PLAT: variants seen among roughly 807,000 people sequenced by gnomAD.
PLAT encodes the protein tissue-type plasminogen activator.
PLAT carries 48 observed loss-of-function variants against 74.9 expected under a neutral mutation model. The observed-to-expected ratio is 0.64, with a 90% CI of 0.51 to 0.82. The LOEUF is 0.82. Ranked by LOEUF, PLAT falls within the 40% of genes least tolerant of loss-of-function variation. The pLI is 0.00. For missense variants in PLAT, 673 were observed against 736.2 expected (o/e 0.91, Z 0.99); for synonymous variants, 307 against 294.4 (o/e 1.04, Z -0.44).
chr8:42,206,893 G>GCTCC (rs1806360709), intron 1 of PLAT, among the ~76,000 whole-genome samples: 1 of 152,208 alleles, frequency 6.6e-6, no homozygotes, highest in Non-Finnish European at 1.5e-5. Flanking sequence ...GACCTGTGGA[G>GCTCC]ACTTGTAGGG....
At chr8:42,192,002 CT>C (rs1177070988) in intron 2 of PLAT, among the ~76,000 whole-genome samples, 1,432 of 127,154 alleles carry the variant, frequency 0.011, 21 homozygotes, top group African/African-American at 0.037. Flanking sequence ...TTGCCTTTTT[CT>C]TTTTTTTTTT....
At chr8:42,203,312 C>T (rs1413314862) in intron 1 of PLAT, among the ~76,000 whole-genome samples, 1 of 152,188 alleles carries the variant, frequency 6.6e-6, no homozygotes, top group Non-Finnish European at 1.5e-5. Flanking sequence ...ATCGCGTGGT[C>T]ACCCATGCAC....
intron 1 of PLAT, among the ~76,000 whole-genome samples, chr8:42,202,840 C>A (rs1427406602): frequency 6.6e-6 from 1 of 152,114 alleles, no homozygotes; most frequent in Non-Finnish European, 1.5e-5. Context: ...TTCTGGAATG[C>A]ATAACACAGA....
intron 6 of PLAT, 28 bp downstream of exon 6, chr8:42,187,370 G>A (rs1209379035): frequency 2.4e-5 from 36 of 1,530,274 alleles, no homozygotes; most frequent in Non-Finnish European, 2.7e-5. Context: ...CTCACAGGGG[G>A]AATCCCTCCT....
chr8:42,191,488 A>T, intron 2 of PLAT, 74 bp from the exon 3 acceptor site: 2 of 1,415,788 alleles, frequency 1.4e-6, no homozygotes, highest in Non-Finnish European at 2.0e-6. Flanking sequence ...GCCAACCCAG[A>T]AGCCCATGTG....
rs1350407142 is a variant in PLAT, at chr8:42,180,255, G to GT, written c.1208dup (p.Tyr403Ter). 4 of 1,614,082 alleles carry GT rather than the reference G, an allele frequency of 2.5e-6. No homozygotes were observed. Among genetic ancestry groups the GT allele is most frequent in the African/African-American group, 1.3e-5 (1 of 74,940 alleles). The change falls in exon 11 of 14, where the codon TAC (tyrosine) becomes TAAC (stop). Residue 403 changes from tyrosine (Y) to a stop codon, truncating the protein, a stop_gained and frameshift_variant. Transcript: ENST00000220809. LOFTEE classifies it high-confidence loss of function. ...ACGAGCTCTTACCAATGTCATTGTC[G>GT]TAAGTGTCATCATCGAATTCCTTAT... ...IVHKEFDDDT[Y>*]DNDIALLQLK...
intron 9 of PLAT, among the ~76,000 whole-genome samples, chr8:42,181,220 C>G (rs1164000829): frequency 6.6e-6 from 1 of 152,210 alleles, no homozygotes; most frequent in Non-Finnish European, 1.5e-5. Context: ...CCCAGTTGGA[C>G]TTGTGTTCCT....
At chr8:42,187,786 C>T (rs1805541420) in intron 5 of PLAT, 120 bp downstream of exon 5, 3 of 792,412 alleles carry the variant, frequency 3.8e-6, no homozygotes, top group Admixed American at 4.6e-5. Flanking sequence ...GGCAGAAGCG[C>T]CTTCCCTGTC....
At chr8:42,205,210 C>T (rs1027314617) in intron 1 of PLAT, among the ~76,000 whole-genome samples, 1 of 152,182 alleles carries the variant, frequency 6.6e-6, no homozygotes, top group Non-Finnish European at 1.5e-5. Flanking sequence ...TGATTGCTTC[C>T]TCTGCCCTAT....
intron 1 of PLAT, among the ~76,000 whole-genome samples, chr8:42,200,580 G>C (rs1806089658): frequency 6.6e-6 from 1 of 151,522 alleles, no homozygotes; most frequent in African/African-American, 2.4e-5. Context: ...GGGAGGCTGA[G>C]GTGGGAGGAT....
Position 42,180,569 on chromosome 8 carries a change from G to C in PLAT, c.1006C>G (p.Pro336Ala). Residue 336 changes from proline (P) to alanine (A), a missense_variant, in exon 10 of 14, where the codon CCC (proline) becomes GCC (alanine). By Grantham distance (27) the Pro-to-Ala change is conservative. Transcript: ENST00000220809. ...CCCCCGCACAGGAACCGCTCTCCGG[G>C]CGACCTCCTGTGCTTGGCAAAGATG... ...AAIFAKHRRS[P>A]GERFLCGGIL... 5.6e-6 allele frequency: 9 copies of C among 1,614,116 alleles called. No homozygotes were observed. Among genetic ancestry groups the C allele is most frequent in the Non-Finnish European group, 7.6e-6 (9 of 1,179,984 alleles).
chr8:42,199,912 A>G (rs2094434591), intron 1 of PLAT, among the ~76,000 whole-genome samples: 2 of 152,252 alleles, frequency 1.3e-5, no homozygotes, highest in Non-Finnish European at 2.9e-5. Flanking sequence ...TCCACTCCCT[A>G]AAGCAAACAT....
chr8:42,187,991 G>C lies in PLAT; in HGVS notation c.279C>G (p.Asn93Lys). The C allele has an allele frequency of 6.2e-7, 1 of 1,612,684 alleles. No homozygotes were observed. Among genetic ancestry groups the C allele is most frequent in the South Asian group, 1.1e-5 (1 of 91,012 alleles). Residue 93 changes from asparagine (N) to lysine (K), a missense_variant, in exon 5 of 14, where the codon AAC becomes AAG. Transcript: ENST00000220809. Reference protein sequence around the residue: ...VKSCSEPRCFNGGTCQQALYF... With the variant: ...VKSCSEPRCFKGGTCQQALYF... ...ACAGGGCCTGCTGGCAGGTGCCCCCGTTGAAACACCTTGGCTCGCTGCAAC... is the reference window on the plus strand; with the variant it reads ...ACAGGGCCTGCTGGCAGGTGCCCCCCTTGAAACACCTTGGCTCGCTGCAAC...
intron 3 of PLAT, among the ~76,000 whole-genome samples, chr8:42,191,097 C>T (rs964488963): frequency 5.3e-5 from 8 of 152,202 alleles, no homozygotes; most frequent in South Asian, 2.1e-4. Flanking sequence ...GGCCGCCCCC[C>T]CCAGCCCCCG....
chr8:42,203,992 T>TAC (rs775189467), intron 1 of PLAT, among the ~76,000 whole-genome samples: 8,202 of 109,638 alleles, frequency 0.075, 408 homozygotes, highest in East Asian at 0.15. Flanking sequence ...TATATATATA[T>TAC]ACACACACAC....
chr8:42,191,306 A>ATGCACCC (rs1274606441), intron 3 of PLAT, 66 bp downstream of exon 3: 74 of 1,321,470 alleles, frequency 5.6e-5, no homozygotes, highest in African/African-American at 1.0e-4. Context: ...TGGGTGGGTG[A>ATGCACCC]TGCACCCTGC....
chr8:42,204,493 C>A (rs1806258268), intron 1 of PLAT, among the ~76,000 whole-genome samples: 1 of 152,098 alleles, frequency 6.6e-6, no homozygotes, highest in South Asian at 2.1e-4. Flanking sequence ...AATCCCAATA[C>A]TTTGCGAGGC....
At chr8:42,177,873 A>C (rs1388432569) in intron 13 of PLAT, among the ~76,000 whole-genome samples, 1 of 152,142 alleles carries the variant, frequency 6.6e-6, no homozygotes, top group African/African-American at 2.4e-5. Context: ...AAGCCCACAC[A>C]TCCTTCAGCA....
chr8:42,183,525 G>A (rs1196414350), intron 7 of PLAT, among the ~76,000 whole-genome samples: 2 of 152,096 alleles, frequency 1.3e-5, no homozygotes, highest in Non-Finnish European at 1.5e-5. Flanking sequence ...GTGAACCAAC[G>A]TGCTTCAGTG....
Sources: gnomAD v4.1 joint callset for allele counts (sites outside exome capture counted in the v4.1 genomes callset) on GRCh38, gnomAD v4.1.1 for gene constraint, MANE v1.5 for transcripts, NCBI Gene and HGNC (gene_info 2026-07-23, HGNC 2026-07-21) for gene names.